The following RPRD2 variants were observed in gnomAD, a reference collection of about 807,000 sequenced individuals.
RPRD2 encodes the protein regulation of nuclear pre-mRNA domain containing 2.
RPRD2 carries 12 observed loss-of-function variants against 104.4 expected under a neutral mutation model. That is an observed-to-expected ratio of 0.11 (90% CI 0.07 to 0.19). The LOEUF (loss-of-function observed/expected upper bound fraction) is 0.19, where lower values mean the gene tolerates loss of function less well. Ranked by LOEUF, RPRD2 falls within the 10% of genes least tolerant of loss-of-function variation. RPRD2 has a pLI of 1.00. For synonymous variants in RPRD2, 714 were observed against 684.9 expected (o/e 1.04, Z -0.66); for missense variants, 1,543 against 1,790.1 (o/e 0.86, Z 2.49).
intron 1 of RPRD2, among the ~76,000 whole-genome samples, chr1:150,369,445 T>A (rs1553877831): frequency 2.8e-5 from 2 of 71,726 alleles, no homozygotes; most frequent in African/African-American, 9.3e-5. Context: ...TGGCTAATTT[T>A]TTTTTTTTTT....
intron 2 of RPRD2, among the ~76,000 whole-genome samples, chr1:150,438,306 A>G (rs1223641381): frequency 1.3e-5 from 2 of 148,680 alleles, no homozygotes; most frequent in Non-Finnish European, 1.5e-5. Context: ...GAAAAGAAAA[A>G]AAGTCATGCG....
chr1:150,420,786 T>A (rs782682758), intron 2 of RPRD2, among the ~76,000 whole-genome samples: 7 of 152,170 alleles, frequency 4.6e-5, no homozygotes, highest in Middle Eastern at 6.8e-3. Flanking sequence ...AGATCATGCC[T>A]CTGCCCTCTA....
intron 2 of RPRD2, among the ~76,000 whole-genome samples, chr1:150,440,625 G>T (rs1211750722): frequency 6.6e-6 from 1 of 152,138 alleles, no homozygotes; most frequent in Non-Finnish European, 1.5e-5. Flanking sequence ...AATGCCAGTT[G>T]TGTCTGCACA....
intron 2 of RPRD2, among the ~76,000 whole-genome samples, 199 bp downstream of exon 2, chr1:150,417,924 T>TCTC (rs1664477953): frequency 1.6e-5 from 2 of 127,276 alleles, no homozygotes; most frequent in African/African-American, 6.1e-5. Flanking sequence ...CTCTCTCTCT[T>TCTC]TCTTTCTTTC....
chr1:150,460,467 A>C lies in RPRD2; in HGVS notation c.1411+150A>C. ...CTCCCAGGCAGGAGTGCAGTGGTGCAATCTTGGCTCACTGCAACCTCTGCC... is the reference window on the plus strand; with the variant it reads ...CTCCCAGGCAGGAGTGCAGTGGTGCCATCTTGGCTCACTGCAACCTCTGCC... On this transcript the variant is annotated intron_variant, in intron 9 of 10. Coordinates refer to ENST00000369068, the MANE Select transcript of RPRD2 (RefSeq NM_015203.5). The C allele has an allele frequency of 3.7e-6, 3 of 804,888 alleles. No homozygotes were observed. In the South Asian group the frequency reaches 5.3e-5, roughly 14 times the overall value. The allele number at this position is 804,888 out of a possible 1,614,324, so 49.9% of individuals were successfully genotyped here.
intron 9 of RPRD2, among the ~76,000 whole-genome samples, chr1:150,463,930 G>T (rs1668099778): frequency 6.6e-6 from 1 of 152,146 alleles, no homozygotes; most frequent in African/African-American, 2.4e-5. Context: ...ATCACTGGAG[G>T]TCAAGAGTTG....
intron 2 of RPRD2, among the ~76,000 whole-genome samples, chr1:150,423,164 C>CATCACCA (rs1664878282): frequency 6.6e-6 from 1 of 152,150 alleles, no homozygotes; most frequent in Non-Finnish European, 1.5e-5. Context: ...GCCAGTTTAT[C>CATCACCA]TGAATATACA....
intron 2 of RPRD2, among the ~76,000 whole-genome samples, chr1:150,426,807 T>G (rs1488136682): frequency 1.3e-5 from 2 of 152,158 alleles, no homozygotes; most frequent in Non-Finnish European, 2.9e-5. Flanking sequence ...TGGTGATGGT[T>G]GCACAATACG....
chr1:150,457,585 G>T lies in RPRD2; in HGVS notation c.1153+15G>T, dbSNP rs782523396. ...AAAAATCATTGGTATGTCTTTATGT[G>T]ATTAATAGACAACTTATTCCTTATC... On this transcript the variant is annotated intron_variant, in intron 8 of 10. Transcript: ENST00000369068. 1.5e-5 allele frequency: 24 copies of T among 1,606,788 alleles called. 1 individual carries two copies. In the South Asian group the frequency reaches 2.6e-4, roughly 18 times the overall value.
chr1:150,446,429 C>A (rs1553895518), intron 7 of RPRD2, 28 bp downstream of exon 7: 5 of 1,512,500 alleles, frequency 3.3e-6, no homozygotes, highest in Non-Finnish European at 4.5e-6. Context: ...CTGTCTTATA[C>A]TGAATGCTTG....
At chr1:150,391,361 C>T (rs1027976257) in intron 1 of RPRD2, among the ~76,000 whole-genome samples, 1 of 151,728 alleles carries the variant, frequency 6.6e-6, no homozygotes, top group Non-Finnish European at 1.5e-5. Flanking sequence ...CATGTGTTGC[C>T]CAGGCTTATC....
intron 1 of RPRD2, among the ~76,000 whole-genome samples, chr1:150,388,503 A>G (rs1384248798): frequency 4.8e-4 from 69 of 145,150 alleles, no homozygotes; most frequent in Non-Finnish European, 7.7e-4. Context: ...CCGCGCACAC[A>G]CACACACACA....
intron 1 of RPRD2, among the ~76,000 whole-genome samples, chr1:150,370,041 CA>C (rs1660184674): frequency 6.6e-6 from 1 of 152,028 alleles, no homozygotes; most frequent in African/African-American, 2.4e-5. Context: ...CTCAGCCTCC[CA>C]AAGTGCTGGG....
intron 1 of RPRD2, among the ~76,000 whole-genome samples, chr1:150,386,316 A>G (rs1661565396): frequency 6.6e-6 from 1 of 152,052 alleles, no homozygotes; most frequent in Admixed American, 6.6e-5. Context: ...CAGGCGTGGT[A>G]GCTCATGCCT....
intron 1 of RPRD2, among the ~76,000 whole-genome samples, chr1:150,402,104 T>C (rs1185802720): frequency 6.6e-6 from 1 of 151,574 alleles, no homozygotes; most frequent in African/African-American, 2.4e-5. Flanking sequence ...GATTACAGAC[T>C]CCCACCACCA....
intron 2 of RPRD2, among the ~76,000 whole-genome samples, chr1:150,428,989 T>C (rs1665367054): frequency 1.3e-5 from 2 of 152,208 alleles, no homozygotes; most frequent in South Asian, 4.1e-4. Flanking sequence ...CAGCCAATTT[T>C]TTTTTTAACT....
At chr1:150,377,372 G>A (rs182587031) in intron 1 of RPRD2, among the ~76,000 whole-genome samples, 1 of 152,064 alleles carries the variant, frequency 6.6e-6, no homozygotes, top group African/African-American at 2.4e-5. Context: ...AGGCCGAGGC[G>A]GGCGGATCAC....
chr1:150,441,705 C>T, intron 3 of RPRD2, 176 bp from the exon 4 acceptor site: 1 of 473,716 alleles, frequency 2.1e-6, no homozygotes, highest in East Asian at 3.4e-5. Context: ...GTTTATTTGA[C>T]AGCTTCTTAG....
At chr1:150,369,265 G>A (rs750285188) in intron 1 of RPRD2, among the ~76,000 whole-genome samples, 16 of 151,838 alleles carry the variant, frequency 1.1e-4, no homozygotes, top group Non-Finnish European at 1.8e-4. Context: ...TCTGTACTTC[G>A]TTCTTCTTTC....
Sources: gnomAD v4.1 joint callset for allele counts (sites outside exome capture counted in the v4.1 genomes callset) on GRCh38, gnomAD v4.1.1 for gene constraint, MANE v1.5 for transcripts, NCBI Gene and HGNC (gene_info 2026-07-23, HGNC 2026-07-21) for gene names.